The following SFMBT1 variants were observed in gnomAD, a reference collection of about 807,000 sequenced individuals.
The protein encoded by SFMBT1 is scm-like with four MBT domains protein 1.
In SFMBT1, 32 loss-of-function variants were observed where a neutral mutation model predicts 108.7. The observed-to-expected ratio is 0.29, with a 90% CI of 0.22 to 0.40. The LOEUF (loss-of-function observed/expected upper bound fraction) is 0.40, where lower values mean the gene tolerates loss of function less well. SFMBT1 is among the 10% of genes least tolerant of loss of function. SFMBT1 has a pLI of 1.00. For synonymous variants in SFMBT1, 348 were observed against 369.5 expected, an observed-to-expected ratio of 0.94 and a Z score of 0.67; for missense variants, 816 against 1,059.6, an observed-to-expected ratio of 0.77 and a Z score of 3.19.
chr3:52,969,031 G>C (rs1162737625), intron 2 of SFMBT1, 70 bp downstream of exon 2: 4 of 1,570,958 alleles, frequency 2.5e-6, no homozygotes, highest in Non-Finnish European at 3.5e-6. Flanking sequence ...TAGAGAAACA[G>C]ACAATATAAC....
chr3:52,942,581 C>T (rs1011091427), intron 4 of SFMBT1, among the ~76,000 whole-genome samples: 1 of 152,176 alleles, frequency 6.6e-6, no homozygotes, highest in Non-Finnish European at 1.5e-5. Context: ...GGCGCGATCT[C>T]GGCTCAATGC....
chr3:53,024,054 G>A (rs570297857), intron 1 of SFMBT1, among the ~76,000 whole-genome samples: 2 of 152,272 alleles, frequency 1.3e-5, no homozygotes, highest in East Asian at 1.9e-4. Flanking sequence ...TTACATTCTA[G>A]TGAAGGAGAG....
chr3:52,995,294 C>T (rs984179681), intron 1 of SFMBT1, among the ~76,000 whole-genome samples: 5 of 150,256 alleles, frequency 3.3e-5, no homozygotes, highest in African/African-American at 1.2e-4. Context: ...TACATAAAAA[C>T]TCAAAATGGA....
Position 52,919,122 on chromosome 3 carries a change from C to T in SFMBT1, c.1373-596G>A, listed in dbSNP as rs557279436. Among the ~76,000 whole-genome samples, 8 of 152,198 alleles carry T rather than the reference C, an allele frequency of 5.3e-5. No individual in the cohort carries two copies. In the South Asian group the frequency reaches 1.7e-3, roughly 32 times the overall value. On this transcript the variant is annotated intron_variant, in intron 12 of 20. Coordinates refer to ENST00000394752, the MANE Select transcript of SFMBT1 (RefSeq NM_016329.4). ...GCTGTGTGGTCCCACGGGTTGGGGACCCCTGCCTCATATCATATATAAAAC... is the reference window on the plus strand; with the variant it reads ...GCTGTGTGGTCCCACGGGTTGGGGATCCCTGCCTCATATCATATATAAAAC...
At chr3:52,946,379 C>A (rs1422432729) in intron 3 of SFMBT1, among the ~76,000 whole-genome samples, 5 of 152,246 alleles carry the variant, frequency 3.3e-5, no homozygotes, top group Non-Finnish European at 7.3e-5. Context: ...CTATCACTAT[C>A]CTAAACACTA....
intron 3 of SFMBT1, among the ~76,000 whole-genome samples, chr3:52,947,737 T>TC (rs1468777869): frequency 6.6e-6 from 1 of 151,648 alleles, no homozygotes; most frequent in African/African-American, 2.4e-5. Flanking sequence ...TATATGTATT[T>TC]TTTTTTTTTT....
chr3:52,931,637 C>T (rs1702862866), intron 6 of SFMBT1, among the ~76,000 whole-genome samples: 1 of 152,016 alleles, frequency 6.6e-6, no homozygotes. Flanking sequence ...GTCAAGAGCT[C>T]GAGACCAGAC....
At chr3:53,024,224 C>G (rs375944431) in intron 1 of SFMBT1, among the ~76,000 whole-genome samples, 1 of 152,066 alleles carries the variant, frequency 6.6e-6, no homozygotes, top group African/African-American at 2.4e-5. Context: ...TGCTTGCTTC[C>G]AAGTCTGGAG....
At chr3:53,020,163 C>T (rs9808937) in intron 1 of SFMBT1, among the ~76,000 whole-genome samples, 3,229 of 151,780 alleles carry the variant, frequency 0.021, 122 homozygotes, top group African/African-American at 0.074. Flanking sequence ...CCGAGGCAGG[C>T]GGATCACCTA....
intron 1 of SFMBT1, among the ~76,000 whole-genome samples, chr3:53,014,521 C>CA (rs1233032548): frequency 6.9e-6 from 1 of 144,658 alleles, no homozygotes; most frequent in African/African-American, 2.5e-5. Flanking sequence ...CAAAACAAAA[C>CA]AGTTTCTAGA....
chr3:52,979,536 G>A (rs558370438), intron 1 of SFMBT1, among the ~76,000 whole-genome samples: 2 of 152,220 alleles, frequency 1.3e-5, no homozygotes, highest in South Asian at 2.1e-4. Flanking sequence ...AAAGTGGTAC[G>A]TCCCTTCCAC....
intron 1 of SFMBT1, among the ~76,000 whole-genome samples, chr3:53,007,372 C>CA (rs1183889198): frequency 3.3e-5 from 5 of 151,942 alleles, no homozygotes; most frequent in Non-Finnish European, 5.9e-5. Flanking sequence ...GACTAAGGAC[C>CA]AAAAAAAGGT....
At chr3:52,972,861 C>T (rs993581845) in intron 1 of SFMBT1, among the ~76,000 whole-genome samples, 3 of 150,618 alleles carry the variant, frequency 2.0e-5, no homozygotes, top group Non-Finnish European at 4.4e-5. Flanking sequence ...CACACACACA[C>T]ACACACACAC....
chr3:52,932,504 A>G (rs1702888373), intron 5 of SFMBT1, among the ~76,000 whole-genome samples, 196 bp from the exon 6 acceptor site: 1 of 152,250 alleles, frequency 6.6e-6, no homozygotes, highest in Non-Finnish European at 1.5e-5. Flanking sequence ...ATCTTAAAGA[A>G]AATCTACCTA....
At chr3:52,920,753 A>G (rs1702500857) in intron 11 of SFMBT1, 103 bp from the exon 12 acceptor site, 2 of 658,252 alleles carry the variant, frequency 3.0e-6, no homozygotes, top group Non-Finnish European at 5.2e-6. Flanking sequence ...TTCTACTCTT[A>G]TAATAATGCA....
chr3:52,979,331 T>C (rs1704625784), intron 1 of SFMBT1, among the ~76,000 whole-genome samples: 1 of 152,252 alleles, frequency 6.6e-6, no homozygotes, highest in Admixed American at 6.5e-5. Context: ...TTCAATTGCT[T>C]AATCCAACAG....
intron 3 of SFMBT1, among the ~76,000 whole-genome samples, chr3:52,949,189 T>C (rs1163585763): frequency 1.3e-5 from 2 of 152,192 alleles, no homozygotes; most frequent in Middle Eastern, 3.2e-3. Context: ...CTGTATGATT[T>C]ATATTATTTT....
At chr3:53,022,668 G>A (rs1429681356) in intron 1 of SFMBT1, among the ~76,000 whole-genome samples, 1 of 152,056 alleles carries the variant, frequency 6.6e-6, no homozygotes, top group Admixed American at 6.6e-5. Flanking sequence ...GTCACAAAAA[G>A]ACAAATACAT....
At chr3:52,926,629 T>C (rs1050752430) in intron 9 of SFMBT1, among the ~76,000 whole-genome samples, 3 of 152,234 alleles carry the variant, frequency 2.0e-5, no homozygotes, top group Non-Finnish European at 4.4e-5. Flanking sequence ...TTCAGATTCA[T>C]ATATTACAGA....
Sources: allele counts gnomAD v4.1 joint callset (sites outside exome capture counted in the v4.1 genomes callset), GRCh38; gene constraint gnomAD v4.1.1; transcripts MANE v1.5; gene names NCBI Gene and HGNC (gene_info 2026-07-23, HGNC 2026-07-21).